Variants in MAGI1 observed in about 807,000 individuals in gnomAD.
MAGI1 encodes membrane associated guanylate kinase, WW and PDZ domain containing 1.
MAGI1 carries 58 observed loss-of-function variants against 139.9 expected under a neutral mutation model. The ratio of observed to expected loss-of-function variants is 0.41; its 90% confidence interval spans 0.34 to 0.52. MAGI1 has a LOEUF of 0.52. Among genes scored for constraint, MAGI1 ranks in the 20% least tolerant of loss-of-function variants. The probability of loss-of-function intolerance (pLI) is 0.12; values close to 1 mark genes in which losing one functional copy is unlikely to be tolerated. For missense variants in MAGI1, 1,874 were observed against 1,901.6 expected, an observed-to-expected ratio of 0.99 and a Z score of 0.27; for synonymous variants, 812 against 737.9, an observed-to-expected ratio of 1.10 and a Z score of -1.63.
chr3:65,532,165 C>T (rs2078744463), intron 2 of MAGI1, among the ~76,000 whole-genome samples: 1 of 152,118 alleles, frequency 6.6e-6, no homozygotes, highest in Admixed American at 6.5e-5. Context: ...TCTTTTACTC[C>T]AATGGTTTCT....
chr3:65,710,407 A>C (rs1359113559), intron 1 of MAGI1, among the ~76,000 whole-genome samples: 1 of 149,246 alleles, frequency 6.7e-6, no homozygotes, highest in Non-Finnish European at 1.5e-5. Flanking sequence ...CAGCCTCCTG[A>C]GTAGCTGGGA....
At chr3:65,563,329 A>G (rs1307301351) in intron 2 of MAGI1, among the ~76,000 whole-genome samples, 1 of 152,198 alleles carries the variant, frequency 6.6e-6, no homozygotes, top group Non-Finnish European at 1.5e-5. Context: ...ATGCAACTGA[A>G]CACCAGCTTT....
At chr3:65,846,539 C>A (rs1438557626) in intron 1 of MAGI1, among the ~76,000 whole-genome samples, 1 of 152,164 alleles carries the variant, frequency 6.6e-6, no homozygotes, top group African/African-American at 2.4e-5. Flanking sequence ...CATAATAGGG[C>A]CCCACAAAGG....
intron 1 of MAGI1, among the ~76,000 whole-genome samples, chr3:65,725,379 C>A (rs2033490338): frequency 6.6e-6 from 1 of 152,156 alleles, no homozygotes; most frequent in Non-Finnish European, 1.5e-5. Flanking sequence ...TGAGCACACA[C>A]TATAGCTACA....
Position 65,568,654 on chromosome 3 carries a change from C to G in MAGI1, c.430+53318G>C, listed in dbSNP as rs139264965. On this transcript the variant is annotated intron_variant, in intron 2 of 22. Transcript: ENST00000402939. The stretch of plus-strand genomic sequence containing the variant: ...CGCCTGCTCTGGGCAAAACCTTGTG[C>G]AGGGTGCTGTATGTTGGCTCCCAAA... 7.4e-4 allele frequency among the ~76,000 whole-genome samples: 113 copies of G among 152,304 alleles called. 1 individual carries two copies. Among genetic ancestry groups the G allele is most frequent in the African/African-American group, 2.5e-3 (104 of 41,568 alleles).
At chr3:65,672,450 T>A (rs1345969872) in intron 1 of MAGI1, among the ~76,000 whole-genome samples, 2 of 152,196 alleles carry the variant, frequency 1.3e-5, no homozygotes, top group African/African-American at 2.4e-5. Context: ...TATAGATATA[T>A]CAGATTATAT....
At chr3:65,382,255 G>A (rs1009766928) in intron 15 of MAGI1, among the ~76,000 whole-genome samples, 186 bp from the exon 16 acceptor site, 1 of 152,180 alleles carries the variant, frequency 6.6e-6, no homozygotes, top group African/African-American at 2.4e-5. Context: ...ATGGTGGAAA[G>A]AGTATTTCTT....
intron 1 of MAGI1, among the ~76,000 whole-genome samples, chr3:65,879,743 C>T (rs1319108766): frequency 6.6e-6 from 1 of 152,170 alleles, no homozygotes; most frequent in Non-Finnish European, 1.5e-5. Flanking sequence ...ATTATCATTT[C>T]ATGATGGTTA....
At chr3:65,429,327 A>C (rs1206401289) in intron 12 of MAGI1, among the ~76,000 whole-genome samples, 193 bp downstream of exon 12, 1 of 152,124 alleles carries the variant, frequency 6.6e-6, no homozygotes, top group African/African-American at 2.4e-5. Flanking sequence ...GTATCATTCT[A>C]ACTGCATATG....
chr3:65,463,564 G>A (rs1292518451), intron 5 of MAGI1, among the ~76,000 whole-genome samples: 2 of 53,936 alleles, frequency 3.7e-5, no homozygotes, highest in East Asian at 2.5e-4. Flanking sequence ...TGAAATGTGT[G>A]TGTGTGTGTG....
In MAGI1 at chr3:65,356,306, A is replaced by G. The variant is rs2106672036; in HGVS notation, c.*72T>C. 4 of 1,450,478 alleles carry G rather than the reference A, an allele frequency of 2.8e-6. No homozygotes were observed. Among genetic ancestry groups the G allele is most frequent in the Non-Finnish European group, 3.7e-6 (4 of 1,093,978 alleles). 89.9% of individuals were successfully genotyped at this position (1,450,478 alleles called of 1,614,324 possible). A position where few individuals can be genotyped will look rare whatever the true frequency, so the allele number is the denominator to read the frequency against. On this transcript the variant is annotated 3_prime_UTR_variant, in exon 23 of 23. Transcript: ENST00000402939. ...CAGATGCTTCATTAGGTAAGAAACT[A>G]AATAATTTCAGGTTTGTGACTTTCC...
intron 2 of MAGI1, among the ~76,000 whole-genome samples, chr3:65,538,736 G>A (rs1449194634): frequency 2.0e-5 from 3 of 152,014 alleles, no homozygotes; most frequent in Non-Finnish European, 4.4e-5. Flanking sequence ...GACAGGAAGG[G>A]CAGCAGTCAG....
At chr3:65,949,359 A>G (rs1285748418) in intron 1 of MAGI1, among the ~76,000 whole-genome samples, 1 of 152,242 alleles carries the variant, frequency 6.6e-6, no homozygotes, top group Non-Finnish European at 1.5e-5. Flanking sequence ...CTGGCTGGAA[A>G]TTGCTAAGTT....
At chr3:65,961,996 T>C (rs1445526113) in intron 1 of MAGI1, among the ~76,000 whole-genome samples, 1 of 152,198 alleles carries the variant, frequency 6.6e-6, no homozygotes, top group Non-Finnish European at 1.5e-5. Context: ...ACAGCTTCCA[T>C]GAAGTGACTG....
At chr3:65,696,730 A>T (rs1425684067) in intron 1 of MAGI1, among the ~76,000 whole-genome samples, 1 of 152,176 alleles carries the variant, frequency 6.6e-6, no homozygotes, top group East Asian at 1.9e-4. Flanking sequence ...TTAATGTATC[A>T]CACCACAGCA....
At chr3:65,490,309 A>G (rs1057148042) in intron 3 of MAGI1, among the ~76,000 whole-genome samples, 4 of 152,190 alleles carry the variant, frequency 2.6e-5, no homozygotes, top group Non-Finnish European at 5.9e-5. Flanking sequence ...ACAGCTCAAT[A>G]GCAAAGGGGC....
At chr3:65,883,838 C>A (rs77407062) in intron 1 of MAGI1, among the ~76,000 whole-genome samples, 2 of 152,072 alleles carry the variant, frequency 1.3e-5, no homozygotes, top group Admixed American at 6.5e-5. Flanking sequence ...TGCCTGTGGG[C>A]GTTTTGCAAA....
intron 1 of MAGI1, among the ~76,000 whole-genome samples, chr3:65,670,479 G>A (rs958089574): frequency 6.6e-6 from 1 of 151,580 alleles, no homozygotes; most frequent in African/African-American, 2.4e-5. Flanking sequence ...AAATTTAGAG[G>A]TTGCTCTCAA....
chr3:65,623,219 T>G (rs1559730209), intron 1 of MAGI1, among the ~76,000 whole-genome samples: 1 of 152,150 alleles, frequency 6.6e-6, no homozygotes, highest in Non-Finnish European at 1.5e-5. Context: ...TATCCTGTGT[T>G]GCTTTTCAAA....
Sources: allele counts gnomAD v4.1 joint callset (sites outside exome capture counted in the v4.1 genomes callset), GRCh38; gene constraint gnomAD v4.1.1; transcripts MANE v1.5; gene names NCBI Gene and HGNC (gene_info 2026-07-23, HGNC 2026-07-21).